ILK: variants seen among roughly 807,000 people sequenced by gnomAD.
The protein encoded by ILK is scaffold protein ILK.
In ILK, 37 loss-of-function variants were observed where a neutral mutation model predicts 57.8. That is an observed-to-expected ratio of 0.64 (90% CI 0.49 to 0.84). The LOEUF is 0.84. ILK is among the 40% of genes least tolerant of loss of function. ILK has a pLI of 0.00. For synonymous variants in ILK, 231 were observed against 202.2 expected, an observed-to-expected ratio of 1.14 and a Z score of -1.21; for missense variants, 528 against 595.7, an observed-to-expected ratio of 0.89 and a Z score of 1.18.
intron 2 of ILK, chr11:6,606,812 T>A (rs924709454): frequency 6.6e-6 from 1 of 152,164 alleles, no homozygotes; most frequent in Admixed American, 6.6e-5. Flanking sequence ...CCCCCGAGTT[T>A]GGCCTGCCCT....
intron 1 of ILK, 118 bp from the exon 2 acceptor site, chr11:6,604,062 G>C (rs1310524428): frequency 1.6e-6 from 1 of 612,144 alleles, no homozygotes; most frequent in Non-Finnish European, 2.9e-6. Flanking sequence ...CCTTTACCTC[G>C]CGTCTAGAGG....
intron 2 of ILK, chr11:6,607,242 A>ATTGTT (rs1450934814): frequency 1.3e-5 from 2 of 152,220 alleles, no homozygotes; most frequent in Middle Eastern, 3.4e-3. Context: ...CTCCAAACCA[A>ATTGTT]TTGTTTTGTT....
At chr11:6,610,335 A>G in intron 12 of ILK, 57 bp downstream of exon 12, 1 of 1,613,766 alleles carries the variant, frequency 6.2e-7, no homozygotes, top group Non-Finnish European at 8.5e-7. Flanking sequence ...TGGTGAAAAT[A>G]ACTGTAGTGG....
rs1283799272 is a variant in ILK at position 6,609,816 on chromosome 11, C to T, written c.949C>T (p.Arg317Ter). The change falls in exon 10 of 13, where the codon CGA becomes TGA. Residue 317 changes from arginine (R) to a stop codon, truncating the protein, a stop_gained. Transcript: ENST00000299421. LOFTEE classifies it high-confidence loss of function. ...ACACACACTAGAGCCCCTCATCCCA[C>T]GACATGCACTCAATAGCCGTAGTGT... ...FLHTLEPLIP[R>*]HALNSRSVMI... The T allele has an allele frequency of 1.9e-6, 3 of 1,614,218 alleles. No individual in the cohort carries two copies. Among genetic ancestry groups the T allele is most frequent in the Non-Finnish European group, 2.5e-6 (3 of 1,180,030 alleles).
At position 6,609,713 on chromosome 11, in the gene ILK, C is replaced by A; in HGVS notation, c.857-11C>A. On this transcript the variant is annotated splice_polypyrimidine_tract_variant and intron_variant, in intron 9 of 12. Coordinates refer to ENST00000299421, the MANE Select transcript of ILK (RefSeq NM_004517.4). ...GCCTCTCTGAACTATTTGACTTTTGCCTCCTCTCAGATTTCGTCGTGGACC... is the reference window on the plus strand; with the variant it reads ...GCCTCTCTGAACTATTTGACTTTTGACTCCTCTCAGATTTCGTCGTGGACC... The A allele has an allele frequency of 6.2e-7, 1 of 1,614,164 alleles. No individual in the cohort carries two copies. Among genetic ancestry groups the A allele is most frequent in the Non-Finnish European group, 8.5e-7 (1 of 1,180,020 alleles).
At chr11:6,607,874 A>T in intron 2 of ILK, 172 bp from the exon 3 acceptor site, 1 of 647,954 alleles carries the variant, frequency 1.5e-6, no homozygotes, top group African/African-American at 1.8e-5. Flanking sequence ...TTTGGTTTGA[A>T]GCTCAGGGGA....
Position 6,608,352 on chromosome 11 carries a change from T to C in ILK, c.256-42T>C. The C allele has an allele frequency of 6.3e-7, 1 of 1,594,168 alleles. No homozygotes were observed. The highest frequency in any genetic ancestry group is 8.6e-7 in the Non-Finnish European group (1 of 1,161,868). On this transcript the variant is annotated intron_variant, in intron 3 of 12. Coordinates refer to ENST00000299421, the MANE Select transcript of ILK (RefSeq NM_004517.4). This position sits in a 1 kb window ranked among gnomAD's most constrained non-coding sequence, Gnocchi z 4.9. ...CACCAGTATCTCATTTGGAACTGAC[T>C]GTACTTTCTGCCTCTTCTTTTTGTC...
At position 6,608,307 on chromosome 11, in the gene ILK, C is replaced by T; in HGVS notation, c.256-87C>T. The T allele has an allele frequency of 6.4e-7, 1 of 1,563,392 alleles. No individual in the cohort carries two copies. Among genetic ancestry groups the T allele is most frequent in the Non-Finnish European group, 8.8e-7 (1 of 1,133,812 alleles). On this transcript the variant is annotated intron_variant, in intron 3 of 12. Transcript: ENST00000299421. This position sits in a 1 kb window ranked among gnomAD's most constrained non-coding sequence, Gnocchi z 4.9. ...ACAGTAGAAAGCATGTGTGCTCTTCCCCCTTTTCCCATGCCCTGACACCAG... is the reference window on the plus strand; with the variant it reads ...ACAGTAGAAAGCATGTGTGCTCTTCTCCCTTTTCCCATGCCCTGACACCAG...
At position 6,610,025 on chromosome 11, in the gene ILK, A is replaced by T; in HGVS notation, c.1068A>T (p.Val356=). The change falls in exon 11 of 13, where the codon GTA becomes GTT. Residue 356 remains valine, a synonymous_variant. Coordinates refer to ENST00000299421, the MANE Select transcript of ILK (RefSeq NM_004517.4). The stretch of plus-strand genomic sequence containing the variant: ...GTCGCATGTATGCACCTGCCTGGGT[A>T]GCCCCCGAAGGTGAGTGAAGTCATC... The part of the protein sequence containing the change: ...CPGRMYAPAW[V]APEALQKKPE... The T allele has an allele frequency of 6.2e-7, 1 of 1,614,180 alleles. No homozygotes were observed. The highest frequency in any genetic ancestry group is 8.5e-7 in the Non-Finnish European group (1 of 1,180,020).
chr11:6,606,064 C>T (rs966414352), intron 2 of ILK, among the ~76,000 whole-genome samples: 10 of 152,194 alleles, frequency 6.6e-5, no homozygotes, highest in Non-Finnish European at 8.8e-5. Context: ...ATCCCAGCTA[C>T]TCGGAGGCTG....
intron 2 of ILK, among the ~76,000 whole-genome samples, chr11:6,605,753 T>G (rs1374187565): frequency 6.6e-6 from 1 of 152,204 alleles, no homozygotes; most frequent in Non-Finnish European, 1.5e-5. Flanking sequence ...TGTTTCAGAA[T>G]AATGGGTGAA....
In ILK at chr11:6,609,790, T is replaced by C. The variant is rs1436127091; in HGVS notation, c.923T>C (p.Leu308Pro). ...ALDMARGMAF[L>P]HTLEPLIPRH... is the part of the protein sequence containing the mutation. ...GACATGGCAAGGGGCATGGCCTTCC[T>C]ACACACACTAGAGCCCCTCATCCCA... is the stretch of plus-strand genomic sequence containing the variant. Residue 308 changes from leucine (L) to proline (P), a missense_variant, in exon 10 of 13, where the codon CTA (leucine) becomes CCA (proline). Coordinates refer to ENST00000299421, the MANE Select transcript of ILK (RefSeq NM_004517.4). 1.2e-6 allele frequency: 2 copies of C among 1,614,186 alleles called. No homozygotes were observed. The highest frequency in any genetic ancestry group is 8.5e-7 in the Non-Finnish European group (1 of 1,180,020).
intron 2 of ILK, 53 bp downstream of exon 2, chr11:6,604,413 G>C: frequency 6.9e-7 from 1 of 1,454,156 alleles, no homozygotes. Flanking sequence ...TCCTGGCTAC[G>C]TGGAGTGGAG....
Position 6,609,301 on chromosome 11 carries a change from A to G in ILK, c.621A>G (p.Leu207=). 3 of 1,613,768 alleles carry G rather than the reference A, an allele frequency of 1.9e-6. No individual in the cohort carries two copies. Among genetic ancestry groups the G allele is most frequent in the East Asian group, 2.2e-5 (1 of 44,900 alleles). The stretch of plus-strand genomic sequence containing the variant: ...CCTAACCCCTACCTGTCCTGCAGCT[A>G]TGGAAGGGCCGCTGGCAGGGCAATG... The part of the protein sequence containing the change: ...TKLNENHSGE[L]WKGRWQGNDI... The change falls in exon 8 of 13, where the codon CTA becomes CTG. Residue 207 remains leucine (L), a splice_region_variant and synonymous_variant. Transcript: ENST00000299421.
chr11:6,604,616 G>A (rs1854646119), intron 2 of ILK: 3 of 587,976 alleles, frequency 5.1e-6, no homozygotes, highest in Non-Finnish European at 9.2e-6. Flanking sequence ...AGGCTAGGGG[G>A]CAAGGCACAG....
intron 1 of ILK, 103 bp from the exon 2 acceptor site, chr11:6,604,077 A>G (rs1854572862): frequency 4.7e-6 from 3 of 637,766 alleles, no homozygotes; most frequent in Non-Finnish European, 8.5e-6. Flanking sequence ...TAGAGGACAC[A>G]GCCAGGGATC....
intron 1 of ILK, 123 bp downstream of exon 1, chr11:6,603,945 C>T (rs993939920): frequency 3.6e-5 from 18 of 503,382 alleles, no homozygotes; most frequent in East Asian, 2.2e-4. Context: ...GAGCCTGAAC[C>T]TCCCCACTTC....
chr11:6,604,438 G>A, intron 2 of ILK, 78 bp downstream of exon 2: 2 of 1,322,898 alleles, frequency 1.5e-6, no homozygotes, highest in Non-Finnish European at 2.1e-6. Context: ...CATGTCTGGT[G>A]GTGGCGGCTG....
rs1169840219 is a variant in ILK at position 6,610,610 on chromosome 11, A to G, written c.1358A>G (p.Ter453TrpextTer7). The G allele has an allele frequency of 1.9e-6, 3 of 1,614,118 alleles. No individual in the cohort carries two copies. ...VPILEKMQDK[*>W] Reference sequence around the variant, plus strand: ...ATCCTTGAGAAGATGCAGGACAAGTAGGACTGGAAGGTCCTTGCCTGAACT... The same window carrying G: ...ATCCTTGAGAAGATGCAGGACAAGTGGGACTGGAAGGTCCTTGCCTGAACT... Residue 453 changes from the stop codon to tryptophan, a stop_lost, in exon 13 of 13, where the codon TAG becomes TGG. Coordinates refer to ENST00000299421, the MANE Select transcript of ILK (RefSeq NM_004517.4).
Sources: gnomAD v4.1 joint callset for allele counts (sites outside exome capture counted in the v4.1 genomes callset) on GRCh38, gnomAD v4.1.1 for gene constraint, Gnocchi (gnomAD v3.1) non-coding constraint, MANE v1.5 for transcripts, NCBI Gene and HGNC (gene_info 2026-07-23, HGNC 2026-07-21) for gene names.